PLPPR3: variants seen among roughly 807,000 people sequenced by gnomAD.
PLPPR3 encodes the protein phospholipid phosphatase-related protein type 3.
PLPPR3 carries 14 observed loss-of-function variants against 27.3 expected under a neutral mutation model. That is an observed-to-expected ratio of 0.51 (90% CI 0.34 to 0.80). The LOEUF (loss-of-function observed/expected upper bound fraction) is 0.80, where lower values mean the gene tolerates loss of function less well. Ranked by LOEUF, PLPPR3 falls within the 30% of genes least tolerant of loss-of-function variation. The pLI is 0.01. For missense variants in PLPPR3, 1,287 were observed against 1,056.9 expected (o/e 1.22, Z -3.02); for synonymous variants, 671 against 508.0 (o/e 1.32, Z -4.32).
At chr19:822,307 G>A (rs1449179247), upstream of PLPPR3, among the ~76,000 whole-genome samples, 2 of 151,354 alleles carry the variant, frequency 1.3e-5, no homozygotes, top group Admixed American at 6.6e-5. Flanking sequence ...GGGGGCGGGG[G>A]TTGGGGTTTC....
chr19:812,548 G>T lies in PLPPR3; in HGVS notation c.*22C>A. ...CGCCCGCGCCCTCGGCCCGCCCCCC[G>T]CCCGCCCCCGGCCCCGCCGCGCTAG... On this transcript the variant is annotated 3_prime_UTR_variant, in exon 8 of 8. Coordinates refer to ENST00000520876, the MANE Select transcript of PLPPR3 (RefSeq NM_001270366.2). The T allele has an allele frequency of 5.4e-6, 2 of 372,852 alleles. No individual in the cohort carries two copies. The highest frequency in any genetic ancestry group is 6.4e-6 in the Non-Finnish European group (2 of 314,070). 23.1% of individuals were successfully genotyped at this position (372,852 alleles called of 1,614,324 possible).
chr19:817,299 TC>T (rs941649491), intron 2 of PLPPR3, among the ~76,000 whole-genome samples: 1 of 150,430 alleles, frequency 6.6e-6, no homozygotes, highest in Non-Finnish European at 1.5e-5. Context: ...CCTTTTTTTT[TC>T]CCCCACTCTG....
upstream of PLPPR3, among the ~76,000 whole-genome samples, chr19:823,230 C>T (rs1599266327): frequency 6.6e-6 from 1 of 150,600 alleles, no homozygotes; most frequent in Non-Finnish European, 1.5e-5. Flanking sequence ...TCCCTTGAGG[C>T]CAGGAGTTCC....
chr19:821,770 G>T (rs1420780434), intron 1 of PLPPR3, 145 bp downstream of exon 1: 3 of 382,962 alleles, frequency 7.8e-6, no homozygotes, highest in African/African-American at 6.3e-5. Flanking sequence ...CGGGATCGGG[G>T]GGTCGGGGCC....
At chr19:818,859 C>T (rs983635115) in intron 2 of PLPPR3, among the ~76,000 whole-genome samples, 1 of 151,582 alleles carries the variant, frequency 6.6e-6, no homozygotes, top group Non-Finnish European at 1.5e-5. Context: ...TAAAAATTAG[C>T]TGGGGCTCAG....
rs1166712282 is a variant in PLPPR3 at position 818,748 on chromosome 19, T to C, written c.75+2737A>G. Among the ~76,000 whole-genome samples the C allele has an allele frequency of 2.0e-5, 3 of 152,048 alleles. No homozygotes were observed. The East Asian group carries it at 5.8e-4, about 29-fold the overall frequency. ...CGGGGTTTCACCGTGTTAGCCAGGA[T>C]GGTCTCGATCTCCTGACCTCATGAT... On this transcript the variant is annotated intron_variant, in intron 2 of 7. Transcript: ENST00000520876.
Position 813,592 on chromosome 19 carries a change from T to C in PLPPR3, c.1135A>G (p.Arg379Gly). The C allele has an allele frequency of 6.4e-7, 1 of 1,550,544 alleles. No individual in the cohort carries two copies. Among genetic ancestry groups the C allele is most frequent in the Non-Finnish European group, 8.7e-7 (1 of 1,149,262 alleles). The change falls in exon 8 of 8, where the codon AGG (arginine) becomes GGG (glycine). Residue 379 changes from arginine to glycine, a missense_variant. Physicochemically the swap from Arg to Gly is moderately radical, Grantham distance 125. Coordinates refer to ENST00000520876, the MANE Select transcript of PLPPR3 (RefSeq NM_001270366.2). This position sits in a 1 kb window ranked among gnomAD's most constrained non-coding sequence, Gnocchi z 4.1. The part of the protein sequence containing the change: ...NMVTFSHTLP[R>G]ASAPSLDDPA... ...TCGTCCAGCGAGGGCGCGCTGGCCC[T>C]GGGCAGCGTGTGGCTGAAGGTCACC...
Position 812,794 on chromosome 19 carries a change from C to A in PLPPR3, c.1933G>T (p.Asp645Tyr). The stretch of plus-strand genomic sequence containing the variant: ...AACCGCGGCTCCTCCTGGTCCACGT[C>A]GCTGACCGACGAGCCGGGGGACACG... The part of the protein sequence containing the change: ...PGVSPGSSVS[D>Y]VDQEEPRFGA... The change falls in exon 8 of 8, where the codon GAC (aspartate) becomes TAC (tyrosine). Residue 645 changes from aspartate (D) to tyrosine (Y), a missense_variant. Coordinates refer to ENST00000520876, the MANE Select transcript of PLPPR3 (RefSeq NM_001270366.2). The A allele has an allele frequency of 1.8e-6, 2 of 1,091,502 alleles. No individual in the cohort carries two copies. Among genetic ancestry groups the A allele is most frequent in the Non-Finnish European group, 2.2e-6 (2 of 897,244 alleles). 67.6% of individuals were successfully genotyped at this position (1,091,502 alleles called of 1,614,324 possible). A position where few individuals can be genotyped will look rare whatever the true frequency, so the allele number is the denominator to read the frequency against.
At chr19:820,276 T>C (rs544992819) in intron 2 of PLPPR3, among the ~76,000 whole-genome samples, 8 of 152,212 alleles carry the variant, frequency 5.3e-5, no homozygotes, top group African/African-American at 1.9e-4. Flanking sequence ...CTCAACCTCC[T>C]GGGCTCAAGC....
intron 2 of PLPPR3, among the ~76,000 whole-genome samples, chr19:817,735 T>C (rs10417289): frequency 0.029 from 4,466 of 152,260 alleles, 233 homozygotes; most frequent in African/African-American, 0.1. Context: ...GCTGAGTTCA[T>C]GTCCAGTGAG....
In PLPPR3 at chr19:813,767, C is replaced by G; in HGVS notation, c.960G>C (p.Ser320=). 6.5e-7 allele frequency: 1 copy of G among 1,527,696 alleles called. No individual in the cohort carries two copies. Among genetic ancestry groups the G allele is most frequent in the Non-Finnish European group, 8.7e-7 (1 of 1,143,194 alleles). The allele number at this position is 1,527,696 out of a possible 1,614,324, so 94.6% of individuals were successfully genotyped here. ...GGGGCCCCAGCTCGTCGGTGCTCAC[C>G]GACTTATTCTGCTGATAAACCGAGT... ...GHDSVYQQNK[S]VSTDELGPPG... Residue 320 remains serine, a synonymous_variant, in exon 8 of 8, where the codon TCG becomes TCC. Coordinates refer to ENST00000520876, the MANE Select transcript of PLPPR3 (RefSeq NM_001270366.2). The surrounding 1 kb of genome is among the most constrained non-coding windows in gnomAD (Gnocchi z 4.1).
chr19:817,070 C>G (rs2035074770), intron 2 of PLPPR3, among the ~76,000 whole-genome samples: 1 of 150,330 alleles, frequency 6.7e-6, no homozygotes, highest in African/African-American at 2.4e-5. Flanking sequence ...TGTCCATCCA[C>G]AACAGTCTTG....
At chr19:814,297 C>T (rs1355936254) in intron 7 of PLPPR3, 137 bp downstream of exon 7, 2 of 845,954 alleles carry the variant, frequency 2.4e-6, no homozygotes, top group African/African-American at 3.5e-5. Context: ...CCAGCCTCCC[C>T]TGTCAGACCC....
upstream of PLPPR3, among the ~76,000 whole-genome samples, chr19:823,218 G>A (rs936963904): frequency 3.3e-5 from 5 of 151,762 alleles, no homozygotes; most frequent in Admixed American, 6.6e-5. Flanking sequence ...GAGGCGGGAG[G>A]ATCCCTTGAG....
rs1490339276 is a variant in PLPPR3 at position 812,732 on chromosome 19, C to G, written c.1995G>C (p.Glu665Asp). ...AVATVNLATGEGLPPLGAADG... is the reference protein window; with the variant it reads ...AVATVNLATGDGLPPLGAADG... ...CGGCCGCGCCCAGCGGGGGCAGCCC[C>G]TCGCCCGTGGCCAGGTTGACGGTGG... Residue 665 changes from glutamate to aspartate, a missense_variant, in exon 8 of 8, where the codon GAG (glutamate) becomes GAC (aspartate). By Grantham distance (45) the Glu-to-Asp change is conservative. Transcript: ENST00000520876. 2.2e-5 allele frequency: 23 copies of G among 1,065,002 alleles called. No homozygotes were observed. The highest frequency in any genetic ancestry group is 2.6e-5 in the Non-Finnish European group (23 of 880,702). 66.0% of individuals were successfully genotyped at this position (1,065,002 alleles called of 1,614,324 possible).
intron 2 of PLPPR3, among the ~76,000 whole-genome samples, chr19:819,440 C>T (rs2035113268): frequency 1.3e-5 from 2 of 151,928 alleles, no homozygotes; most frequent in Non-Finnish European, 2.9e-5. Context: ...ACCACTACGA[C>T]CACCATGCCC....
rs929027499 is a variant in PLPPR3, at chr19:812,504, T to C, written c.*66A>G. ...AGCCGGACCTCGGTTTCTGCCGCTT[T>C]ATTGAGCATCCGCGCGGCCGCCCGC... On this transcript the variant is annotated 3_prime_UTR_variant, in exon 8 of 8. Transcript: ENST00000520876. The C allele has an allele frequency of 9.1e-6, 9 of 983,654 alleles. No homozygotes were observed. Among genetic ancestry groups the C allele is most frequent in the Middle Eastern group, 5.1e-4 (1 of 1,952 alleles). 60.9% of individuals were successfully genotyped at this position (983,654 alleles called of 1,614,324 possible). A position where few individuals can be genotyped will look rare whatever the true frequency, so the allele number is the denominator to read the frequency against.
chr19:813,436 G>A lies in PLPPR3; in HGVS notation c.1291C>T (p.His431Tyr). The A allele has an allele frequency of 6.6e-7, 1 of 1,519,208 alleles. No individual in the cohort carries two copies. Among genetic ancestry groups the A allele is most frequent in the Non-Finnish European group, 8.8e-7 (1 of 1,139,660 alleles). 94.1% of individuals were successfully genotyped at this position (1,519,208 alleles called of 1,614,324 possible). ...ATGGGTTCGGCGGGCGCGCGCAGGT[G>A]CCCGGGGCTGGCGTCGTCGGGCAGC... is the stretch of plus-strand genomic sequence containing the variant. ...LGLPDDASPG[H>Y]LRAPAEPMAE... is the part of the protein sequence containing the mutation. The change falls in exon 8 of 8, where the codon CAC (histidine) becomes TAC (tyrosine). Residue 431 changes from histidine (H) to tyrosine (Y), a missense_variant. His to Tyr is a moderately conservative substitution (Grantham distance 83, BLOSUM62 2). Transcript: ENST00000520876. This position sits in a 1 kb window ranked among gnomAD's most constrained non-coding sequence, Gnocchi z 4.1.
rs1438424409 is a variant in PLPPR3 at position 812,903 on chromosome 19, G to A, written c.1824C>T (p.Gly608=). The part of the protein sequence containing the change: ...GGAPWEWKAA[G]GGAKAEADGG... ...CGTCGGCCTCCGCCTTGGCCCCGCC[G>A]CCCGCCGCCTTCCACTCCCAGGGCG... The change falls in exon 8 of 8, where the codon GGC becomes GGT. Residue 608 remains glycine, a synonymous_variant. Coordinates refer to ENST00000520876, the MANE Select transcript of PLPPR3 (RefSeq NM_001270366.2). The A allele has an allele frequency of 7.8e-7, 1 of 1,286,908 alleles. No individual in the cohort carries two copies. Among genetic ancestry groups the A allele is most frequent in the Non-Finnish European group, 9.9e-7 (1 of 1,012,134 alleles). The allele number at this position is 1,286,908 out of a possible 1,614,324, so 79.7% of individuals were successfully genotyped here.
Sources: gnomAD v4.1 joint callset for allele counts (sites outside exome capture counted in the v4.1 genomes callset) on GRCh38, gnomAD v4.1.1 for gene constraint, Gnocchi (gnomAD v3.1) non-coding constraint, MANE v1.5 for transcripts, NCBI Gene and HGNC (gene_info 2026-07-23, HGNC 2026-07-21) for gene names.